The following TSC22D1 variants were observed in gnomAD, a reference collection of about 807,000 sequenced individuals.
The protein encoded by TSC22D1 is TSC22 domain family protein 1.
In TSC22D1, 9 loss-of-function variants were observed where a neutral mutation model predicts 74.2. That is an observed-to-expected ratio of 0.12 (90% CI 0.07 to 0.21). The LOEUF (loss-of-function observed/expected upper bound fraction) is 0.21. TSC22D1 is among the 10% of genes least tolerant of loss of function. The pLI, the probability that TSC22D1 is intolerant of heterozygous loss-of-function variation, is 1.00. For missense variants in TSC22D1, 1,427 were observed against 1,304.7 expected, an observed-to-expected ratio of 1.09 and a Z score of -1.44; for synonymous variants, 586 against 492.5, an observed-to-expected ratio of 1.19 and a Z score of -2.51.
intron 1 of TSC22D1, among the ~76,000 whole-genome samples, chr13:44,570,030 T>C (rs9595156): frequency 0.019 from 2,854 of 152,242 alleles, 80 homozygotes; most frequent in African/African-American, 0.065. Context: ...AAAGAGAACA[T>C]CTGAGCTGAG....
At chr13:44,491,446 C>T (rs576365551) in intron 1 of TSC22D1, among the ~76,000 whole-genome samples, 10 of 149,694 alleles carry the variant, frequency 6.7e-5, no homozygotes, top group African/African-American at 2.0e-4. Flanking sequence ...CCCAGCTACT[C>T]GGGAAGCTGA....
At chr13:44,435,778 A>G in intron 2 of TSC22D1, 1 of 515,178 alleles carries the variant, frequency 1.9e-6, no homozygotes, top group Non-Finnish European at 3.5e-6. Context: ...ATAAATCCCC[A>G]GCAAAAAGGG....
intron 1 of TSC22D1, among the ~76,000 whole-genome samples, chr13:44,528,619 AG>A (rs1275042544): frequency 6.6e-6 from 1 of 152,014 alleles, no homozygotes; most frequent in African/African-American, 2.4e-5. Flanking sequence ...CTGAAACAGA[AG>A]AGCAATATAA....
chr13:44,487,291 G>A (rs1262957111), intron 1 of TSC22D1, among the ~76,000 whole-genome samples: 1 of 151,614 alleles, frequency 6.6e-6, no homozygotes, highest in Non-Finnish European at 1.5e-5. Context: ...CTGAGGTCAG[G>A]AGTTCAAGAC....
intron 1 of TSC22D1, among the ~76,000 whole-genome samples, chr13:44,517,744 T>C (rs1156479579): frequency 1.4e-5 from 2 of 139,308 alleles, no homozygotes; most frequent in East Asian, 4.0e-4. Context: ...TATACATATA[T>C]ACGTATATAT....
intron 1 of TSC22D1, among the ~76,000 whole-genome samples, chr13:44,471,787 A>G (rs1480010686): frequency 6.6e-6 from 1 of 152,230 alleles, no homozygotes; most frequent in Non-Finnish European, 1.5e-5. Flanking sequence ...TAAACTACCA[A>G]TTACAGGAGT....
chr13:44,474,635 TAAGGATGCAAGAATGG>T (rs1429402897), intron 1 of TSC22D1, among the ~76,000 whole-genome samples: 1 of 150,068 alleles, frequency 6.7e-6, no homozygotes, highest in Non-Finnish European at 1.5e-5. Context: ...GAAAAAACAA[TAAGGATGCAAGAATGG>T]AAGGAAGGAG....
intron 1 of TSC22D1, among the ~76,000 whole-genome samples, chr13:44,511,339 T>A (rs1054179770): frequency 1.3e-5 from 2 of 152,042 alleles, no homozygotes; most frequent in Admixed American, 1.3e-4. Flanking sequence ...TTGCCTGTAA[T>A]TCTTCTGCTT....
chr13:44,576,200 C>T lies in TSC22D1; in HGVS notation c.-126G>A. The T allele has an allele frequency of 1.5e-6, 2 of 1,341,936 alleles. No individual in the cohort carries two copies. The highest frequency in any genetic ancestry group is 2.0e-6 in the Non-Finnish European group (2 of 1,018,216). 83.1% of individuals were successfully genotyped at this position (1,341,936 alleles called of 1,614,324 possible). A position where few individuals can be genotyped will look rare whatever the true frequency, so the allele number is the denominator to read the frequency against. ...CCGCCTGGCGCGATTCCTCCTTCTC[C>T]TCCTCCTCAGCCAAAGGCGCCGGTC... On this transcript the variant is annotated 5_prime_UTR_variant, in exon 1 of 3. Coordinates refer to ENST00000458659, the MANE Select transcript of TSC22D1 (RefSeq NM_183422.4).
At chr13:44,545,595 A>G (rs1167691105) in intron 1 of TSC22D1, among the ~76,000 whole-genome samples, 3 of 152,164 alleles carry the variant, frequency 2.0e-5, no homozygotes, top group Non-Finnish European at 4.4e-5. Context: ...AAAAAAAAAA[A>G]AAAGGATAAT....
At chr13:44,537,521 A>G (rs1881222023) in intron 1 of TSC22D1, 3 of 985,210 alleles carry the variant, frequency 3.0e-6, no homozygotes, top group African/African-American at 1.7e-5. Flanking sequence ...ACTGTGGTTC[A>G]AAGAGTTCAA....
At chr13:44,530,543 AT>A (rs1880777902) in intron 1 of TSC22D1, among the ~76,000 whole-genome samples, 2 of 152,110 alleles carry the variant, frequency 1.3e-5, no homozygotes, top group African/African-American at 4.8e-5. Context: ...CTTTATTAAA[AT>A]TTCTTTGCAA....
chr13:44,478,466 G>T (rs1878024641), intron 1 of TSC22D1, among the ~76,000 whole-genome samples: 1 of 152,094 alleles, frequency 6.6e-6, no homozygotes, highest in African/African-American at 2.4e-5. Flanking sequence ...TTTTTGTCAG[G>T]CTTGGAACCT....
chr13:44,531,403 C>A lies in TSC22D1; in HGVS notation c.2912+41760G>T, dbSNP rs1464712853. Among the ~76,000 whole-genome samples, 4 of 152,154 alleles carry A rather than the reference C, an allele frequency of 2.6e-5. No homozygotes were observed. In the East Asian group the frequency reaches 7.7e-4, roughly 29 times the overall value. On this transcript the variant is annotated intron_variant, in intron 1 of 2. Transcript: ENST00000458659. ...AGATCAACAGATCTGCCTTGGAATG[C>A]CATCTTCATTGCTTACAGATTATAT...
intron 1 of TSC22D1, among the ~76,000 whole-genome samples, chr13:44,512,371 G>A (rs1245866218): frequency 2.0e-5 from 3 of 151,688 alleles, no homozygotes; most frequent in South Asian, 2.1e-4. Flanking sequence ...GGGTTTCACC[G>A]TGTTAGCCAG....
chr13:44,455,611 T>G (rs1876524314), intron 1 of TSC22D1, among the ~76,000 whole-genome samples: 1 of 152,206 alleles, frequency 6.6e-6, no homozygotes, highest in East Asian at 1.9e-4. Flanking sequence ...ATAAGTCAGG[T>G]CCTCCTGTAG....
intron 1 of TSC22D1, among the ~76,000 whole-genome samples, chr13:44,526,325 A>T (rs952493739): frequency 2.0e-5 from 3 of 152,162 alleles, no homozygotes; most frequent in South Asian, 2.1e-4. Context: ...ATAAGCAAAG[A>T]GATGAAAATT....
At chr13:44,559,530 CT>C (rs995909624) in intron 1 of TSC22D1, among the ~76,000 whole-genome samples, 4 of 151,310 alleles carry the variant, frequency 2.6e-5, no homozygotes, top group Non-Finnish European at 5.9e-5. Flanking sequence ...AAAAAATTAA[CT>C]TTTTTTTTCT....
intron 1 of TSC22D1, among the ~76,000 whole-genome samples, chr13:44,564,367 TATAAA>T (rs1471231335): frequency 2.0e-5 from 3 of 152,120 alleles, no homozygotes; most frequent in Non-Finnish European, 4.4e-5. Flanking sequence ...TAATAAGCAT[TATAAA>T]AGAAAAGAAC....
Sources: gnomAD v4.1 joint callset for allele counts (sites outside exome capture counted in the v4.1 genomes callset) on GRCh38, gnomAD v4.1.1 for gene constraint, MANE v1.5 for transcripts, NCBI Gene and HGNC (gene_info 2026-07-23, HGNC 2026-07-21) for gene names.